MAML2: variants seen among roughly 807,000 people sequenced by gnomAD.
The protein encoded by MAML2 is mastermind-like protein 2.
A neutral mutation model predicts 96.1 loss-of-function variants in MAML2; 22 were observed. The ratio of observed to expected loss-of-function variants is 0.23; its 90% CI spans 0.16 to 0.33. The LOEUF is 0.33. Ranked by LOEUF, MAML2 falls within the 10% of genes least tolerant of loss-of-function variation. The pLI, the probability that MAML2 is intolerant of heterozygous loss-of-function variation, is 1.00. For missense variants in MAML2, 1,367 were observed against 1,392.4 expected (o/e 0.98, Z 0.29); for synonymous variants, 561 against 521.3 (o/e 1.08, Z -1.04).
chr11:96,219,629 T>C (rs1425991356), intron 1 of MAML2, among the ~76,000 whole-genome samples: 1 of 152,044 alleles, frequency 6.6e-6, no homozygotes, highest in Non-Finnish European at 1.5e-5. Context: ...CTCAGTTCAT[T>C]ATTATTATTA....
chr11:96,262,616 C>T (rs1208313638), intron 1 of MAML2, among the ~76,000 whole-genome samples: 5 of 152,016 alleles, frequency 3.3e-5, no homozygotes, highest in South Asian at 2.1e-4. Context: ...TACAGGCACC[C>T]GCCACCACGC....
At chr11:96,020,313 A>G (rs2135736077) in intron 2 of MAML2, among the ~76,000 whole-genome samples, 2 of 152,252 alleles carry the variant, frequency 1.3e-5, no homozygotes, top group East Asian at 1.9e-4. Context: ...AGGACTCTAT[A>G]GTCTGCTTCT....
rs766990097 is a variant in MAML2 at position 95,985,514 on chromosome 11, T to A, written c.2455+17A>T. ...CTTTCACAGCTATAATTTTTATTAATTTTTAAGAACACTTACCAGAATACT... is the reference window on the plus strand; with the variant it reads ...CTTTCACAGCTATAATTTTTATTAAATTTTAAGAACACTTACCAGAATACT... On this transcript the variant is annotated intron_variant, in intron 4 of 4. Coordinates refer to ENST00000524717, the MANE Select transcript of MAML2 (RefSeq NM_032427.4). 7 of 1,478,398 alleles carry A rather than the reference T, an allele frequency of 4.7e-6. No individual in the cohort carries two copies. In the East Asian group the frequency reaches 1.6e-4, roughly 34 times the overall value. The allele number at this position is 1,478,398 out of a possible 1,614,324, so 91.6% of individuals were successfully genotyped here.
chr11:96,252,894 G>A (rs1291800580), intron 1 of MAML2, among the ~76,000 whole-genome samples: 1 of 152,166 alleles, frequency 6.6e-6, no homozygotes, highest in East Asian at 1.9e-4. Flanking sequence ...ACGAAGAACT[G>A]CATAAAGTCC....
In MAML2 at chr11:95,979,450, G is replaced by A. The variant is rs2135697904; in HGVS notation, c.2969C>T (p.Thr990Ile). 1 of 1,613,650 alleles carries A rather than the reference G, an allele frequency of 6.2e-7. No homozygotes were observed. The highest frequency in any genetic ancestry group is 8.5e-7 in the Non-Finnish European group (1 of 1,179,758). Residue 990 changes from threonine to isoleucine, a missense_variant, in exon 5 of 5, where the codon ACA (threonine) becomes ATA (isoleucine). Coordinates refer to ENST00000524717, the MANE Select transcript of MAML2 (RefSeq NM_032427.4). ...TSAGVRFPTG[T>I]PAAYTPNQSL... ...CTGATTTGGGGTATAGGCTGCAGGT[G>A]TACCTGTGGGGAAGCGGACTCCTGC...
chr11:96,113,501 AAGT>A (rs1477121337), intron 1 of MAML2, among the ~76,000 whole-genome samples: 1 of 151,926 alleles, frequency 6.6e-6, no homozygotes, highest in Non-Finnish European at 1.5e-5. Flanking sequence ...AGCTTCCCTG[AAGT>A]AGATTTGCTG....
intron 1 of MAML2, among the ~76,000 whole-genome samples, chr11:96,225,909 T>G (rs1329320019): frequency 1.3e-5 from 2 of 152,216 alleles, no homozygotes; most frequent in African/African-American, 2.4e-5. Context: ...ATTCATAGTT[T>G]TAAATCTATG....
intron 1 of MAML2, among the ~76,000 whole-genome samples, chr11:96,255,942 T>C (rs900429724): frequency 2.0e-5 from 3 of 147,902 alleles, no homozygotes; most frequent in Non-Finnish European, 4.5e-5. Flanking sequence ...GGCGCGATCT[T>C]GGCTTACTGC....
intron 2 of MAML2, among the ~76,000 whole-genome samples, chr11:96,045,547 A>C (rs1858883161): frequency 6.6e-6 from 1 of 152,346 alleles, no homozygotes; most frequent in South Asian, 2.1e-4. Context: ...CTTGCCATTC[A>C]AAACCAGTTT....
intron 2 of MAML2, among the ~76,000 whole-genome samples, chr11:96,062,215 AC>A (rs1565202977): frequency 6.6e-6 from 1 of 152,176 alleles, no homozygotes; most frequent in African/African-American, 2.4e-5. Flanking sequence ...GAAAATTACT[AC>A]AACTGTGATG....
intron 1 of MAML2, among the ~76,000 whole-genome samples, chr11:96,312,198 C>T (rs557792609): frequency 1.2e-4 from 14 of 113,168 alleles, no homozygotes; most frequent in South Asian, 2.9e-4. Flanking sequence ...CCAGCCTGGG[C>T]GACAGAGCAA....
chr11:96,323,739 C>A (rs1863740005), intron 1 of MAML2, among the ~76,000 whole-genome samples: 1 of 152,208 alleles, frequency 6.6e-6, no homozygotes, highest in South Asian at 2.1e-4. Flanking sequence ...ATCTCAGAAA[C>A]CGGTCAGCCA....
At chr11:96,150,486 A>G (rs1860901840) in intron 1 of MAML2, among the ~76,000 whole-genome samples, 1 of 152,102 alleles carries the variant, frequency 6.6e-6, no homozygotes, top group East Asian at 1.9e-4. Context: ...GGATGGAGAG[A>G]GACGTCAGCA....
chr11:96,318,998 A>G (rs370523631), intron 1 of MAML2, among the ~76,000 whole-genome samples: 10 of 152,308 alleles, frequency 6.6e-5, no homozygotes, highest in African/African-American at 1.9e-4. Context: ...GGTTTGGCCT[A>G]TGTGACCAGT....
intron 1 of MAML2, among the ~76,000 whole-genome samples, chr11:96,322,693 C>CA (rs1024747087): frequency 6.6e-6 from 1 of 151,196 alleles, no homozygotes; most frequent in Non-Finnish European, 1.5e-5. Flanking sequence ...GACTCCGTCT[C>CA]AAAAAAAAGA....
chr11:96,175,280 T>C (rs1861366852), intron 1 of MAML2, among the ~76,000 whole-genome samples: 2 of 152,222 alleles, frequency 1.3e-5, no homozygotes. Flanking sequence ...TCAAGGGAAA[T>C]GGAAACCAAA....
At chr11:96,246,525 C>A (rs566063496) in intron 1 of MAML2, among the ~76,000 whole-genome samples, 2 of 152,122 alleles carry the variant, frequency 1.3e-5, no homozygotes, top group African/African-American at 2.4e-5. Flanking sequence ...CTCAACATAT[C>A]CAAAAACTCT....
chr11:96,249,504 C>T (rs1481083023), intron 1 of MAML2, among the ~76,000 whole-genome samples: 1 of 152,044 alleles, frequency 6.6e-6, no homozygotes, highest in African/African-American at 2.4e-5. Flanking sequence ...TCAGTTCTCT[C>T]GCCTCTTCTT....
chr11:96,111,938 GT>G (rs1044648122), intron 1 of MAML2, among the ~76,000 whole-genome samples: 1 of 88,162 alleles, frequency 1.1e-5, no homozygotes, highest in African/African-American at 4.3e-5. Flanking sequence ...CACAAGGTTA[GT>G]TTTCTTTTTT....
Sources: allele counts gnomAD v4.1 joint callset (sites outside exome capture counted in the v4.1 genomes callset), GRCh38; gene constraint gnomAD v4.1.1; transcripts MANE v1.5; gene names NCBI Gene and HGNC (gene_info 2026-07-23, HGNC 2026-07-21).